The following PSD3 variants were observed in gnomAD, a reference collection of about 807,000 sequenced individuals.
PSD3 encodes pleckstrin and Sec7 domain containing 3.
In PSD3, 49 loss-of-function variants were observed where a neutral mutation model predicts 105.5. That is an observed-to-expected ratio of 0.46 (90% CI 0.37 to 0.59). PSD3 has a LOEUF of 0.59. Among genes scored for constraint, PSD3 ranks in the 20% least tolerant of loss-of-function variants. The pLI, the probability that PSD3 is intolerant of heterozygous loss-of-function variation, is 0.00. For synonymous variants in PSD3, 557 were observed against 457.8 expected (o/e 1.22, Z -2.77); for missense variants, 1,561 against 1,263.8 (o/e 1.24, Z -3.57).
intron 11 of PSD3, among the ~76,000 whole-genome samples, chr8:18,612,885 G>C (rs1192973890): frequency 6.6e-6 from 1 of 152,126 alleles, no homozygotes; most frequent in African/African-American, 2.4e-5. Flanking sequence ...CAAAAGATGA[G>C]CCACAGAGTC....
At chr8:19,073,250 T>C (rs1297739998) in intron 1 of PSD3, among the ~76,000 whole-genome samples, 1 of 152,112 alleles carries the variant, frequency 6.6e-6, no homozygotes, top group Admixed American at 6.6e-5. Flanking sequence ...TGGTCAGGCT[T>C]CATGATTAAG....
At chr8:18,545,510 T>A (rs1800403335) in intron 15 of PSD3, among the ~76,000 whole-genome samples, 1 of 152,178 alleles carries the variant, frequency 6.6e-6, no homozygotes, top group Admixed American at 6.5e-5. Context: ...AACACAAGGA[T>A]AGAAGGTTAA....
At chr8:19,084,008 T>G (rs1417775760) in intron 1 of PSD3, among the ~76,000 whole-genome samples, 1 of 152,176 alleles carries the variant, frequency 6.6e-6, no homozygotes, top group Admixed American at 6.5e-5. Flanking sequence ...ACAAAATGTT[T>G]CTGGTGGCCT....
At chr8:18,828,080 T>TA (rs1554515407) in intron 4 of PSD3, among the ~76,000 whole-genome samples, 3 of 143,802 alleles carry the variant, frequency 2.1e-5, no homozygotes, top group Non-Finnish European at 4.5e-5. Context: ...TTTTTTTTTT[T>TA]ACAAAAAAAA....
intron 9 of PSD3, among the ~76,000 whole-genome samples, chr8:18,665,600 T>C (rs1256916855): frequency 2.0e-5 from 3 of 152,202 alleles, no homozygotes; most frequent in Non-Finnish European, 4.4e-5. Flanking sequence ...GTAGCAGGGT[T>C]TGAGGGGAAT....
intron 9 of PSD3, among the ~76,000 whole-genome samples, chr8:18,668,517 T>G (rs1241643353): frequency 1.3e-5 from 2 of 152,320 alleles, no homozygotes; most frequent in Non-Finnish European, 2.9e-5. Context: ...AGAGGTAGTA[T>G]TATTCCCACT....
intron 2 of PSD3, among the ~76,000 whole-genome samples, chr8:18,912,676 C>A (rs996007951): frequency 2.0e-5 from 3 of 152,186 alleles, no homozygotes; most frequent in Admixed American, 1.3e-4. Flanking sequence ...CTGACCAGGG[C>A]TGCTTCAGTC....
chr8:18,623,412 G>T (rs1397284109), intron 11 of PSD3, among the ~76,000 whole-genome samples: 1 of 116,558 alleles, frequency 8.6e-6, no homozygotes, highest in Non-Finnish European at 1.6e-5. Context: ...AAGAGTTCAA[G>T]ACCAGTCTGG....
Position 18,533,533 on chromosome 8 carries a change from T to C in PSD3, c.*2210A>G, listed in dbSNP as rs1799712629. On this transcript the variant is annotated 3_prime_UTR_variant, in exon 16 of 16. Coordinates refer to ENST00000327040, the MANE Select transcript of PSD3 (RefSeq NM_015310.4). ...ACTACTCTAAATGTCAGAAATACTG[T>C]AGCAAGGTACCATTCAATGTATATT... The C allele has an allele frequency of 6.6e-6, 1 of 152,206 alleles. No individual in the cohort carries two copies. The highest frequency in any genetic ancestry group is 2.1e-4 in the South Asian group (1 of 4,836). 9.4% of individuals were successfully genotyped at this position (152,206 alleles called of 1,614,324 possible).
chr8:18,933,078 C>A (rs185292137), intron 2 of PSD3, among the ~76,000 whole-genome samples: 1 of 152,318 alleles, frequency 6.6e-6, no homozygotes, highest in East Asian at 1.9e-4. Flanking sequence ...ACGCAAGTAA[C>A]CTGCACAAAG....
At chr8:18,858,013 C>T (rs1361851019) in intron 4 of PSD3, among the ~76,000 whole-genome samples, 1 of 152,174 alleles carries the variant, frequency 6.6e-6, no homozygotes, top group Non-Finnish European at 1.5e-5. Flanking sequence ...CATTAGCATT[C>T]ATGAGAAACT....
chr8:18,727,559 C>CACACAG (rs1803423319), intron 9 of PSD3, among the ~76,000 whole-genome samples: 2 of 148,112 alleles, frequency 1.4e-5, no homozygotes, highest in Non-Finnish European at 3.0e-5. Flanking sequence ...CAAACACACA[C>CACACAG]ACACACACAC....
At chr8:19,082,423 C>G (rs549163430) in intron 1 of PSD3, among the ~76,000 whole-genome samples, 1 of 152,146 alleles carries the variant, frequency 6.6e-6, no homozygotes, top group African/African-American at 2.4e-5. Context: ...AAGCAGGGGA[C>G]GTCATCAGTG....
chr8:18,764,556 C>T (rs550647744), intron 9 of PSD3, among the ~76,000 whole-genome samples: 1 of 152,080 alleles, frequency 6.6e-6, no homozygotes, highest in Non-Finnish European at 1.5e-5. Flanking sequence ...GTAGATAAGT[C>T]TTTCCAAATC....
chr8:18,864,952 A>G (rs1410036949), intron 4 of PSD3: 1 of 151,808 alleles, frequency 6.6e-6, no homozygotes, highest in Non-Finnish European at 1.5e-5. Flanking sequence ...AATTGAATGC[A>G]TACACCACCA....
intron 10 of PSD3, among the ~76,000 whole-genome samples, chr8:18,653,356 A>C (rs529126413): frequency 6.8e-4 from 100 of 147,766 alleles, no homozygotes; most frequent in African/African-American, 2.6e-3. Flanking sequence ...CAAGAGAGAA[A>C]AAGAAAAAAA....
intron 10 of PSD3, among the ~76,000 whole-genome samples, chr8:18,644,545 T>C (rs1422427708): frequency 6.6e-6 from 1 of 152,222 alleles, no homozygotes; most frequent in Admixed American, 6.5e-5. Context: ...GACTTTACTA[T>C]GCATGTTTCT....
At chr8:18,824,229 C>G in intron 4 of PSD3, among the ~76,000 whole-genome samples, 1 of 152,134 alleles carries the variant, frequency 6.6e-6, no homozygotes, top group African/African-American at 2.4e-5. Context: ...TTTCCAAAGA[C>G]ACAAAGATAC....
intron 4 of PSD3, among the ~76,000 whole-genome samples, chr8:18,829,567 C>T (rs1008306819): frequency 2.0e-5 from 3 of 152,272 alleles, no homozygotes; most frequent in African/African-American, 2.4e-5. Flanking sequence ...TTCCCTTGTA[C>T]ACTATGTGGT....
Sources: allele counts gnomAD v4.1 joint callset (sites outside exome capture counted in the v4.1 genomes callset), GRCh38; gene constraint gnomAD v4.1.1; transcripts MANE v1.5; gene names NCBI Gene and HGNC (gene_info 2026-07-23, HGNC 2026-07-21).